Variants in MAML3 observed in about 807,000 individuals in gnomAD.
MAML3 encodes the protein mastermind-like protein 3.
A neutral mutation model predicts 101.9 loss-of-function variants in MAML3; 27 were observed. That is an observed-to-expected ratio of 0.27 (90% CI 0.20 to 0.37). The LOEUF is 0.37. MAML3 is among the 10% of genes least tolerant of loss of function. MAML3 has a pLI of 1.00. For missense variants in MAML3, 1,316 were observed against 1,444.9 expected (o/e 0.91, Z 1.45); for synonymous variants, 501 against 555.9 (o/e 0.90, Z 1.39).
intron 1 of MAML3, among the ~76,000 whole-genome samples, chr4:140,095,736 A>C (rs956442561): frequency 6.6e-6 from 1 of 151,540 alleles, no homozygotes; most frequent in African/African-American, 2.4e-5. Flanking sequence ...CACCCACTCA[A>C]TCCTTGCAGC....
chr4:140,106,973 C>T (rs1193429869), intron 1 of MAML3, among the ~76,000 whole-genome samples: 1 of 152,088 alleles, frequency 6.6e-6, no homozygotes, highest in African/African-American at 2.4e-5. Flanking sequence ...TGGGTTCAAG[C>T]GATTCTCCAG....
chr4:139,904,070 C>T (rs1732773901), intron 1 of MAML3, among the ~76,000 whole-genome samples: 1 of 152,226 alleles, frequency 6.6e-6, no homozygotes, highest in Non-Finnish European at 1.5e-5. Flanking sequence ...GCCCCATCCT[C>T]TTACTACCAC....
intron 1 of MAML3, among the ~76,000 whole-genome samples, chr4:140,059,479 G>A (rs542837988): frequency 1.3e-5 from 2 of 152,228 alleles, no homozygotes; most frequent in Non-Finnish European, 2.9e-5. Context: ...GCTGCTGACT[G>A]AGGATGATTT....
intron 1 of MAML3, among the ~76,000 whole-genome samples, chr4:139,967,199 G>A (rs1445071412): frequency 1.3e-5 from 2 of 152,112 alleles, no homozygotes; most frequent in African/African-American, 4.8e-5. Flanking sequence ...TAAGTAAAAA[G>A]AGGAGAAGCA....
intron 1 of MAML3, among the ~76,000 whole-genome samples, chr4:140,078,365 T>C (rs1174499333): frequency 2.0e-5 from 3 of 152,074 alleles, no homozygotes; most frequent in East Asian, 1.9e-4. Flanking sequence ...TAGAGAAAAA[T>C]AGGACTCTTT....
At chr4:140,016,827 A>T (rs575078876) in intron 1 of MAML3, among the ~76,000 whole-genome samples, 3 of 152,228 alleles carry the variant, frequency 2.0e-5, no homozygotes, top group Non-Finnish European at 4.4e-5. Flanking sequence ...CGGATCACAA[A>T]CTTAAATGTA....
intron 2 of MAML3, among the ~76,000 whole-genome samples, chr4:139,839,988 T>G (rs1292480708): frequency 1.3e-5 from 2 of 152,160 alleles, no homozygotes; most frequent in African/African-American, 4.8e-5. Flanking sequence ...CTGTGTGAAT[T>G]CAAGTGAGTG....
intron 1 of MAML3, among the ~76,000 whole-genome samples, chr4:139,912,122 C>T (rs927097188): frequency 6.6e-6 from 1 of 152,146 alleles, no homozygotes; most frequent in South Asian, 2.1e-4. Flanking sequence ...TTTTGAGAAA[C>T]TGACATACTG....
chr4:140,131,742 G>C (rs1453508493), intron 1 of MAML3, among the ~76,000 whole-genome samples: 1 of 152,168 alleles, frequency 6.6e-6, no homozygotes, highest in Non-Finnish European at 1.5e-5. Flanking sequence ...GGGCAGCAGT[G>C]GTATGTGATG....
chr4:140,010,401 C>T (rs1578641268), intron 1 of MAML3, among the ~76,000 whole-genome samples: 1 of 152,108 alleles, frequency 6.6e-6, no homozygotes, highest in Non-Finnish European at 1.5e-5. Context: ...TAAATGTCAG[C>T]GTTCATTGAA....
chr4:140,118,153 T>C lies in MAML3; in HGVS notation c.468+34707A>G, dbSNP rs982646988. Among the ~76,000 whole-genome samples the C allele has an allele frequency of 5.3e-5, 8 of 151,836 alleles. No homozygotes were observed. In the East Asian group the frequency reaches 9.7e-4, roughly 18 times the overall value. ...TACAACCAACCCCCAGGTTAAAATA[T>C]TTGTGGGTTTGTTTTTTTTTTTTCC... is the stretch of plus-strand genomic sequence containing the variant. On this transcript the variant is annotated intron_variant, in intron 1 of 4. Coordinates refer to ENST00000509479, the MANE Select transcript of MAML3 (RefSeq NM_018717.5).
rs535621255 is a variant in MAML3, at chr4:139,753,458, G to A, written c.2080-22791C>T. On this transcript the variant is annotated intron_variant, in intron 2 of 4. Transcript: ENST00000509479. The stretch of plus-strand genomic sequence containing the variant: ...ATTTGGAAAGGAATGTGATTAATAT[G>A]CATGATGGAGAAAATCCTGACAGAA... Among the ~76,000 whole-genome samples, 11 of 152,122 alleles carry A rather than the reference G, an allele frequency of 7.2e-5. No individual in the cohort carries two copies. In the East Asian group the frequency reaches 2.1e-3, roughly 29 times the overall value.
chr4:139,722,492 T>C (rs1162737059), intron 4 of MAML3, among the ~76,000 whole-genome samples: 2 of 152,232 alleles, frequency 1.3e-5, no homozygotes, highest in Non-Finnish European at 2.9e-5. Flanking sequence ...AAAGCAGATA[T>C]TATTGTGAGA....
At chr4:139,759,940 C>T (rs1307756377) in intron 2 of MAML3, among the ~76,000 whole-genome samples, 1 of 152,222 alleles carries the variant, frequency 6.6e-6, no homozygotes, top group Non-Finnish European at 1.5e-5. Context: ...AAAGAGGCCA[C>T]CTTTCCCATT....
chr4:139,848,046 T>A (rs569242199), intron 2 of MAML3, among the ~76,000 whole-genome samples: 1 of 152,206 alleles, frequency 6.6e-6, no homozygotes, highest in Non-Finnish European at 1.5e-5. Flanking sequence ...GGGTGTGCAA[T>A]CTTATCTCTT....
chr4:140,074,222 AAAG>A (rs1560885553), intron 1 of MAML3, among the ~76,000 whole-genome samples: 1 of 124,016 alleles, frequency 8.1e-6, no homozygotes, highest in East Asian at 2.2e-4. Flanking sequence ...AGAAAGAAAG[AAAG>A]AAAGAAAGAA....
chr4:140,105,666 C>G (rs1728338633), intron 1 of MAML3, among the ~76,000 whole-genome samples: 2 of 152,232 alleles, frequency 1.3e-5, no homozygotes, highest in Non-Finnish European at 2.9e-5. Context: ...AATAGTTTCA[C>G]TGAGAAATTA....
chr4:139,740,147 G>C (rs1272104630), intron 2 of MAML3: 1 of 152,132 alleles, frequency 6.6e-6, no homozygotes, highest in Non-Finnish European at 1.5e-5. Flanking sequence ...GAATTCTTTG[G>C]TCTACCTGGA....
At chr4:139,849,966 T>C (rs1442447181) in intron 2 of MAML3, among the ~76,000 whole-genome samples, 1 of 152,224 alleles carries the variant, frequency 6.6e-6, no homozygotes, top group Non-Finnish European at 1.5e-5. Flanking sequence ...CATGGACCTT[T>C]ATACTATATA....
Sources: allele counts gnomAD v4.1 joint callset (sites outside exome capture counted in the v4.1 genomes callset), GRCh38; gene constraint gnomAD v4.1.1; transcripts MANE v1.5; gene names NCBI Gene and HGNC (gene_info 2026-07-23, HGNC 2026-07-21).